Variants in TPX2 observed in about 807,000 individuals in gnomAD.
TPX2 encodes targeting protein for Xklp2.
A neutral mutation model predicts 93.6 loss-of-function variants in TPX2; 21 were observed. That is an observed-to-expected ratio of 0.22 (90% CI 0.16 to 0.32). The LOEUF (loss-of-function observed/expected upper bound fraction) is 0.32, where lower values mean the gene tolerates loss of function less well. Ranked by LOEUF, TPX2 falls within the 10% of genes least tolerant of loss-of-function variation. The pLI is 1.00. For missense variants in TPX2, 776 were observed against 871.1 expected (o/e 0.89, Z 1.37); for synonymous variants, 281 against 298.3 (o/e 0.94, Z 0.60).
chr20:31,784,215 C>T (rs1195639620), intron 12 of TPX2, among the ~76,000 whole-genome samples: 2 of 152,098 alleles, frequency 1.3e-5, no homozygotes, highest in East Asian at 3.9e-4. Flanking sequence ...TCAGGGTGTG[C>T]TTTGTAGAGA....
At chr20:31,796,962 C>G (rs1346638034) in intron 15 of TPX2, among the ~76,000 whole-genome samples, 1 of 151,410 alleles carries the variant, frequency 6.6e-6, no homozygotes, top group African/African-American at 2.4e-5. Flanking sequence ...TCCATAATCT[C>G]AAACATTTAT....
At chr20:31,772,971 CTTTTTT>C (rs558541526) in intron 7 of TPX2, among the ~76,000 whole-genome samples, 1 of 96,480 alleles carries the variant, frequency 1.0e-5, no homozygotes, top group Non-Finnish European at 2.0e-5. Context: ...GTGCCATCGG[CTTTTTT>C]TTTTTTTTTT....
In TPX2 at chr20:31,782,318, A is replaced by G. The variant is rs2062038225; in HGVS notation, c.1124A>G (p.Lys375Arg). The change falls in exon 11 of 18, where the codon AAA becomes AGA. Residue 375 changes from lysine (K) to arginine (R), a missense_variant. Lys to Arg is a conservative substitution (Grantham distance 26). Coordinates refer to ENST00000300403, the MANE Select transcript of TPX2 (RefSeq NM_012112.5). ...CCACAGACTCCTGTACTGCAAACCAAACACCGTGCACGGGCTGTGACCTGC... is the reference window on the plus strand; with the variant it reads ...CCACAGACTCCTGTACTGCAAACCAGACACCGTGCACGGGCTGTGACCTGC... ...RDPQTPVLQT[K>R]HRARAVTCKS... 1 of 1,613,850 alleles carries G rather than the reference A, an allele frequency of 6.2e-7. No individual in the cohort carries two copies.
chr20:31,744,666 G>A (rs944168471), intron 2 of TPX2, among the ~76,000 whole-genome samples: 22 of 152,070 alleles, frequency 1.4e-4, no homozygotes, highest in African/African-American at 5.3e-4. Flanking sequence ...TCGAGTTGCT[G>A]AAACTACAGG....
intron 3 of TPX2, among the ~76,000 whole-genome samples, chr20:31,759,448 G>A (rs977012442): frequency 7.5e-6 from 1 of 133,786 alleles, no homozygotes; most frequent in African/African-American, 3.0e-5. Flanking sequence ...TCGCCAGGCT[G>A]TAGTGCAGTG....
chr20:31,766,688 A>G lies in TPX2; in HGVS notation c.356+6A>G. The G allele has an allele frequency of 6.2e-7, 1 of 1,609,290 alleles. No individual in the cohort carries two copies. Among genetic ancestry groups the G allele is most frequent in the Non-Finnish European group, 8.5e-7 (1 of 1,178,442 alleles). On this transcript the variant is annotated splice_donor_region_variant and intron_variant, in intron 5 of 17. Coordinates refer to ENST00000300403, the MANE Select transcript of TPX2 (RefSeq NM_012112.5). ...ACTCCAGCCCAGCCTCAGAGGTAAG[A>G]CTTTGGAATCTCAAAGTGGTGGTTA...
At chr20:31,782,734 CAAA>C (rs964106358) in intron 11 of TPX2, among the ~76,000 whole-genome samples, 5 of 150,722 alleles carry the variant, frequency 3.3e-5, no homozygotes, top group Non-Finnish European at 5.9e-5. Flanking sequence ...CAACAAATAC[CAAA>C]AAAAAATTAG....
Position 31,798,278 on chromosome 20 carries a change from A to C in TPX2, c.1946-87A>C, listed in dbSNP as rs1043165784. On this transcript the variant is annotated intron_variant, in intron 16 of 17. Transcript: ENST00000300403. ...GAGCACAGTCTTCCTGTTAGTGTGC[A>C]TGTCTGTGCCACTTGCTCATTCCAG... The C allele has an allele frequency of 6.6e-6, 10 of 1,514,518 alleles. No individual in the cohort carries two copies. The Admixed American group carries it at 6.7e-5, about 10-fold the overall frequency. The allele number at this position is 1,514,518 out of a possible 1,614,324, so 93.8% of individuals were successfully genotyped here.
At chr20:31,752,816 A>G (rs946593399) in intron 2 of TPX2, among the ~76,000 whole-genome samples, 4 of 152,016 alleles carry the variant, frequency 2.6e-5, no homozygotes, top group Non-Finnish European at 4.4e-5. Flanking sequence ...GGGTTTCACC[A>G]TGTTAGCCAG....
chr20:31,797,588 G>GT (rs2062146378), intron 16 of TPX2, 73 bp downstream of exon 16: 1 of 1,333,772 alleles, frequency 7.5e-7, no homozygotes, highest in African/African-American at 1.4e-5. Flanking sequence ...GGAATTCAGT[G>GT]TGTCAGTACA....
chr20:31,770,134 AT>A, intron 5 of TPX2, among the ~76,000 whole-genome samples: 1 of 152,132 alleles, frequency 6.6e-6, no homozygotes, highest in Non-Finnish European at 1.5e-5. Flanking sequence ...TTGAGGTCAC[AT>A]TTATAGACAC....
intron 2 of TPX2, among the ~76,000 whole-genome samples, chr20:31,752,998 C>T (rs1310178799): frequency 6.6e-6 from 1 of 151,984 alleles, no homozygotes; most frequent in African/African-American, 2.4e-5. Flanking sequence ...AGCTTATGGC[C>T]CCTAGCAAGT....
chr20:31,741,547 C>T (rs1307915950), intron 1 of TPX2, among the ~76,000 whole-genome samples: 2 of 151,728 alleles, frequency 1.3e-5, no homozygotes, highest in African/African-American at 4.8e-5. Context: ...GGTGCGCTCT[C>T]GGCTCACTGC....
Position 31,766,667 on chromosome 20 carries a change from C to T in TPX2, c.341C>T (p.Pro114Leu). 1 of 1,613,382 alleles carries T rather than the reference C, an allele frequency of 6.2e-7. No individual in the cohort carries two copies. Among genetic ancestry groups the T allele is most frequent in the Non-Finnish European group, 8.5e-7 (1 of 1,179,780 alleles). The change falls in exon 5 of 18, where the codon CCA becomes CTA. Residue 114 changes from proline to leucine, a missense_variant. Pro to Leu is a moderately conservative substitution (Grantham distance 98, BLOSUM62 -3). Around this residue, in one of 3 missense-constraint regions of TPX2, gnomAD observed 279 missense variants for 261.6 expected, o/e 1.07. Coordinates refer to ENST00000300403, the MANE Select transcript of TPX2 (RefSeq NM_012112.5). Reference sequence around the variant, plus strand: ...GAGGCAGCCATATCAAGAAAAACTCCAGCCCAGCCTCAGAGGTAAGACTTT... The same window carrying T: ...GAGGCAGCCATATCAAGAAAAACTCTAGCCCAGCCTCAGAGGTAAGACTTT... Reference protein sequence around the residue: ...EVEAAISRKTPAQPQRRSLRL... With the variant: ...EVEAAISRKTLAQPQRRSLRL...
Position 31,775,887 on chromosome 20 carries a change from C to T in TPX2, c.629C>T (p.Thr210Ile), listed in dbSNP as rs1288150407. ...TTTAGGCAGAAGTTTCTAAAAAGTA[C>T]TGAGGAGCAAGAGCTGGAGAAGAGT... ...PPAKQKFLKS[T>I]EEQELEKSMK... The change falls in exon 8 of 18, where the codon ACT becomes ATT. Residue 210 changes from threonine (T) to isoleucine (I), a missense_variant. Thr to Ile is a moderately conservative substitution (Grantham distance 89). Around this residue, in one of 3 missense-constraint regions of TPX2, gnomAD observed 279 missense variants for 261.6 expected, o/e 1.07. Coordinates refer to ENST00000300403, the MANE Select transcript of TPX2 (RefSeq NM_012112.5). 3 of 1,592,530 alleles carry T rather than the reference C, an allele frequency of 1.9e-6. No individual in the cohort carries two copies. The highest frequency in any genetic ancestry group is 1.1e-5 in the South Asian group (1 of 88,032).
rs1472658671 is a variant in TPX2 at position 31,778,903 on chromosome 20, G to A, written c.973G>A (p.Val325Met). The change falls in exon 10 of 18, where the codon GTG (valine) becomes ATG (methionine). Residue 325 changes from valine to methionine, a missense_variant. By Grantham distance (21) the Val-to-Met change is conservative (BLOSUM62 1). This residue lies in a region of TPX2 where 461 missense variants were observed against 551.2 expected (regional missense o/e 0.84). Transcript: ENST00000300403. ...ATTTGATGAAACAGTTTCTACATATGTGCCCCTTGCACAGCAAGTTGAAGA... is the reference window on the plus strand; with the variant it reads ...ATTTGATGAAACAGTTTCTACATATATGCCCCTTGCACAGCAAGTTGAAGA... ...RTFDETVSTY[V>M]PLAQQVEDFH... 6.2e-7 allele frequency: 1 copy of A among 1,612,736 alleles called. No homozygotes were observed. Among genetic ancestry groups the A allele is most frequent in the Admixed American group, 1.7e-5 (1 of 59,416 alleles).
At chr20:31,767,843 C>T (rs987970064) in intron 5 of TPX2, among the ~76,000 whole-genome samples, 6 of 152,014 alleles carry the variant, frequency 3.9e-5, no homozygotes, top group African/African-American at 1.2e-4. Context: ...TGAGCCACTG[C>T]ACCCAGGCCA....
intron 2 of TPX2, among the ~76,000 whole-genome samples, chr20:31,748,655 C>T (rs2061799122): frequency 1.3e-5 from 2 of 152,136 alleles, no homozygotes; most frequent in Admixed American, 1.3e-4. Context: ...ATTAGAGAGA[C>T]CCCAGATTTT....
At chr20:31,788,138 C>T (rs367767539) in intron 12 of TPX2, among the ~76,000 whole-genome samples, 65 of 152,170 alleles carry the variant, frequency 4.3e-4, no homozygotes, top group African/African-American at 1.5e-3. Context: ...GTAAGTCGGC[C>T]AGGCGCGGTG....
Sources: allele counts gnomAD v4.1 joint callset (sites outside exome capture counted in the v4.1 genomes callset), GRCh38; gene constraint gnomAD v4.1.1; regional missense constraint gnomAD v4.1.1; transcripts MANE v1.5; gene names NCBI Gene and HGNC (gene_info 2026-07-23, HGNC 2026-07-21).